Variants in MGAT4C observed in about 807,000 individuals in gnomAD.
MGAT4C encodes the protein MGAT4 family member C, also known as alpha-1,3-mannosyl-glycoprotein 4-beta-N-acetylglucosaminyltransferase C.
MGAT4C carries 19 observed loss-of-function variants against 40.1 expected under a neutral mutation model. The ratio of observed to expected loss-of-function variants is 0.47; its 90% CI spans 0.33 to 0.70. The LOEUF is 0.70. MGAT4C is among the 30% of genes least tolerant of loss of function. The pLI is 0.02. For synonymous variants in MGAT4C, 181 were observed against 187.1 expected, an observed-to-expected ratio of 0.97 and a Z score of 0.27; for missense variants, 491 against 563.2, an observed-to-expected ratio of 0.87 and a Z score of 1.30.
intron 1 of MGAT4C, among the ~76,000 whole-genome samples, chr12:86,157,956 G>C (rs961904230): frequency 6.6e-6 from 1 of 152,012 alleles, no homozygotes; most frequent in African/African-American, 2.4e-5. Flanking sequence ...CAGTAATAAA[G>C]AATATTAAAC....
chr12:86,465,884 A>C (rs1295966019), intron 2 of MGAT4C, among the ~76,000 whole-genome samples: 1 of 152,040 alleles, frequency 6.6e-6, no homozygotes, highest in Non-Finnish European at 1.5e-5. Context: ...CTTGATATAT[A>C]CCTAAGGAGT....
intron 1 of MGAT4C, among the ~76,000 whole-genome samples, chr12:86,231,072 C>A (rs770519823): frequency 6.6e-6 from 1 of 151,936 alleles, no homozygotes; most frequent in Non-Finnish European, 1.5e-5. Flanking sequence ...ATTTATGCCT[C>A]GAGTTTTAAT....
chr12:86,671,549 A>G (rs767358217), intron 2 of MGAT4C, among the ~76,000 whole-genome samples: 2 of 152,212 alleles, frequency 1.3e-5, no homozygotes, highest in African/African-American at 2.4e-5. Context: ...TCTGTTGCCT[A>G]TAAGAAACAC....
At chr12:86,503,907 CTT>C (rs1250617500) in intron 2 of MGAT4C, among the ~76,000 whole-genome samples, 6 of 147,472 alleles carry the variant, frequency 4.1e-5, no homozygotes, top group Non-Finnish European at 9.0e-5. Flanking sequence ...TTGGAAAAGA[CTT>C]TTGAAATTTA....
At chr12:86,067,384 AG>A (rs1941435336) in intron 1 of MGAT4C, among the ~76,000 whole-genome samples, 1 of 152,224 alleles carries the variant, frequency 6.6e-6, no homozygotes, top group African/African-American at 2.4e-5. Context: ...AGCCATAAAA[AG>A]GATGAGTTCA....
At position 86,224,096 on chromosome 12, in the gene MGAT4C, C is replaced by T. The variant is rs556489185; in HGVS notation, c.-57+32143G>A. On this transcript the variant is annotated intron_variant, in intron 1 of 4. Transcript: ENST00000611864. The stretch of plus-strand genomic sequence containing the variant: ...CTAACACTATGGCCAACAAAGCCAC[C>T]CACTAACACTACGGATCCCAAGACA... Among the ~76,000 whole-genome samples, 36 of 152,242 alleles carry T rather than the reference C, an allele frequency of 2.4e-4. No homozygotes were observed. In the South Asian group the frequency reaches 7.5e-3, roughly 32 times the overall value.
chr12:86,189,578 A>G (rs1889142437), intron 1 of MGAT4C, among the ~76,000 whole-genome samples: 1 of 152,050 alleles, frequency 6.6e-6, no homozygotes, highest in African/African-American at 2.4e-5. Context: ...AAAGCTACTG[A>G]TTTCCTATTA....
At chr12:86,054,436 G>T (rs897641591) in intron 1 of MGAT4C, among the ~76,000 whole-genome samples, 1 of 151,968 alleles carries the variant, frequency 6.6e-6, no homozygotes, top group Non-Finnish European at 1.5e-5. Flanking sequence ...GAGGTGTGGA[G>T]ATAGAAAGAT....
chr12:86,718,553 G>T (rs1950686952), intron 2 of MGAT4C, among the ~76,000 whole-genome samples: 1 of 152,058 alleles, frequency 6.6e-6, no homozygotes, highest in African/African-American at 2.4e-5. Context: ...TCTGTATATG[G>T]TTTCTTTACT....
intron 2 of MGAT4C, among the ~76,000 whole-genome samples, chr12:86,017,509 T>C (rs1282135708): frequency 2.6e-5 from 4 of 152,158 alleles, no homozygotes; most frequent in African/African-American, 9.7e-5. Context: ...TTTAATTACA[T>C]AATAAATATA....
chr12:86,342,719 G>C (rs538653298), intron 3 of MGAT4C, among the ~76,000 whole-genome samples: 1 of 152,064 alleles, frequency 6.6e-6, no homozygotes, highest in African/African-American at 2.4e-5. Flanking sequence ...GATTACAGGC[G>C]TGAGCCACTG....
chr12:86,034,001 G>C (rs1011813371), intron 2 of MGAT4C, among the ~76,000 whole-genome samples: 1 of 149,396 alleles, frequency 6.7e-6, no homozygotes, highest in African/African-American at 2.4e-5. Context: ...TTCTGTATCT[G>C]ATGAGGTGAT....
rs1477333464 is a variant in MGAT4C, at chr12:86,100,833, T to A, written c.-56-51110A>T. 6.6e-5 allele frequency among the ~76,000 whole-genome samples: 10 copies of A among 151,688 alleles called. No individual in the cohort carries two copies. The East Asian group carries it at 1.7e-3, about 26-fold the overall frequency. ...ACTGATAAATATTCATAACTGGGGC[T>A]AGCACAGTAATTGAATGTTATTAGA... On this transcript the variant is annotated intron_variant, in intron 1 of 4. Transcript: ENST00000611864.
chr12:85,981,614 T>C (rs541596582), intron 4 of MGAT4C, among the ~76,000 whole-genome samples: 1 of 152,202 alleles, frequency 6.6e-6, no homozygotes, highest in South Asian at 2.1e-4. Context: ...GCTGTCTACA[T>C]AAGAGGCAGG....
At chr12:86,113,568 TA>T (rs1383457852) in intron 1 of MGAT4C, among the ~76,000 whole-genome samples, 1 of 151,838 alleles carries the variant, frequency 6.6e-6, no homozygotes, top group Non-Finnish European at 1.5e-5. Flanking sequence ...AGTAGAGCAT[TA>T]AAGCCAGGAA....
intron 1 of MGAT4C, among the ~76,000 whole-genome samples, chr12:86,813,541 A>G (rs1220886993): frequency 1.3e-5 from 2 of 152,054 alleles, no homozygotes; most frequent in African/African-American, 4.8e-5. Flanking sequence ...ATGTGTTTCT[A>G]GGCTATAATT....
chr12:86,222,166 T>C (rs1950907186), intron 1 of MGAT4C, among the ~76,000 whole-genome samples: 1 of 152,166 alleles, frequency 6.6e-6, no homozygotes, highest in Non-Finnish European at 1.5e-5. Flanking sequence ...GAGGTCAAAA[T>C]GCACATTTTT....
At chr12:86,609,917 A>G (rs941954223) in intron 2 of MGAT4C, among the ~76,000 whole-genome samples, 2 of 152,192 alleles carry the variant, frequency 1.3e-5, no homozygotes, top group Non-Finnish European at 2.9e-5. Flanking sequence ...CTGCTTTTGC[A>G]ATCCATGAAC....
intron 1 of MGAT4C, among the ~76,000 whole-genome samples, chr12:86,133,043 T>C (rs1250730915): frequency 6.6e-6 from 1 of 152,194 alleles, no homozygotes; most frequent in African/African-American, 2.4e-5. Context: ...ATCTGCTAAG[T>C]ATTTGAGACT....
Sources: allele counts gnomAD v4.1 joint callset (sites outside exome capture counted in the v4.1 genomes callset), GRCh38; gene constraint gnomAD v4.1.1; transcripts MANE v1.5; gene names NCBI Gene and HGNC (gene_info 2026-07-23, HGNC 2026-07-21).